PAPSS1: variants seen among roughly 807,000 people sequenced by gnomAD.
PAPSS1 encodes 3'-phosphoadenosine 5'-phosphosulfate synthase 1.
Under a neutral mutation model 72.0 loss-of-function variants are expected in PAPSS1, and 50 were observed. The ratio of observed to expected loss-of-function variants is 0.69; its 90% CI spans 0.55 to 0.88. The LOEUF (loss-of-function observed/expected upper bound fraction) is 0.88. PAPSS1 is among the 40% of genes least tolerant of loss of function. The pLI is 0.00. For synonymous variants in PAPSS1, 261 were observed against 263.6 expected (o/e 0.99, Z 0.09); for missense variants, 657 against 782.2 (o/e 0.84, Z 1.91).
At chr4:107,672,436 G>A (rs945193337) in intron 5 of PAPSS1, among the ~76,000 whole-genome samples, 7 of 152,200 alleles carry the variant, frequency 4.6e-5, no homozygotes, top group Non-Finnish European at 7.3e-5. Context: ...TGCCAGGCTC[G>A]GAGGGTCCTA....
rs143265765 is a variant in PAPSS1 at position 107,705,717 on chromosome 4, C to T, written c.61-4432G>A. Among the ~76,000 whole-genome samples, 303 of 152,288 alleles carry T rather than the reference C, an allele frequency of 2.0e-3. No homozygotes were observed. The Middle Eastern group carries it at 0.024, about 12-fold the overall frequency. On this transcript the variant is annotated intron_variant, in intron 1 of 11. Transcript: ENST00000265174. ...ACCGGAGATATAAATTATTGTCACACGACAATTACAGTATTTATTCTGAAC... is the reference window on the plus strand; with the variant it reads ...ACCGGAGATATAAATTATTGTCACATGACAATTACAGTATTTATTCTGAAC...
At chr4:107,625,093 C>T (rs1211604543) in intron 11 of PAPSS1, among the ~76,000 whole-genome samples, 2 of 152,060 alleles carry the variant, frequency 1.3e-5, no homozygotes, top group Non-Finnish European at 1.5e-5. Context: ...AAAGGTAAAG[C>T]TGGTTTTGGC....
intron 4 of PAPSS1, 81 bp from the exon 5 acceptor site, chr4:107,682,214 A>G (rs1578419189): frequency 5.7e-6 from 4 of 700,328 alleles, no homozygotes; most frequent in African/African-American, 3.6e-5. Flanking sequence ...TCTCTGCTAC[A>G]TTGAAGTTAG....
At chr4:107,642,967 C>T (rs1466095203) in intron 10 of PAPSS1, among the ~76,000 whole-genome samples, 1 of 152,184 alleles carries the variant, frequency 6.6e-6, no homozygotes. Context: ...CACAAAAAGA[C>T]ATGCACTAAA....
At chr4:107,661,266 G>T (rs770000709) in intron 5 of PAPSS1, among the ~76,000 whole-genome samples, 15 of 152,124 alleles carry the variant, frequency 9.9e-5, no homozygotes, top group Non-Finnish European at 2.1e-4. Flanking sequence ...ATGCAAAATG[G>T]TACAGCTACT....
chr4:107,701,579 G>A (rs1327046766), intron 1 of PAPSS1, among the ~76,000 whole-genome samples: 1 of 152,118 alleles, frequency 6.6e-6, no homozygotes, highest in African/African-American at 2.4e-5. Flanking sequence ...CAAAACTAGT[G>A]AGTGGCAGAC....
chr4:107,631,875 T>C lies in PAPSS1; in HGVS notation c.1507-15A>G. On this transcript the variant is annotated splice_polypyrimidine_tract_variant and intron_variant, in intron 10 of 11. Transcript: ENST00000265174. Reference sequence around the variant, plus strand: ...TGCCACTGGACCTAGAATAAAAGTTTCATTTTAGGTAACTTTGCTTTTATG... The same window carrying C: ...TGCCACTGGACCTAGAATAAAAGTTCCATTTTAGGTAACTTTGCTTTTATG... The C allele has an allele frequency of 1.9e-6, 3 of 1,569,136 alleles. No individual in the cohort carries two copies. Among genetic ancestry groups the C allele is most frequent in the Non-Finnish European group, 2.6e-6 (3 of 1,145,452 alleles).
At chr4:107,691,231 A>G (rs1442258007) in intron 3 of PAPSS1, among the ~76,000 whole-genome samples, 1 of 152,192 alleles carries the variant, frequency 6.6e-6, no homozygotes, top group East Asian at 1.9e-4. Context: ...CAGTACTAGA[A>G]TTGTGCTAAT....
intron 1 of PAPSS1, 62 bp downstream of exon 1, chr4:107,720,058 C>T (rs1454911242): frequency 4.5e-5 from 70 of 1,563,214 alleles, no homozygotes; most frequent in Non-Finnish European, 6.0e-5. Context: ...GCGGCGGCTC[C>T]GGAACGAGCT....
chr4:107,650,472 A>G (rs933729360), intron 9 of PAPSS1, among the ~76,000 whole-genome samples: 2 of 152,238 alleles, frequency 1.3e-5, no homozygotes, highest in African/African-American at 4.8e-5. Context: ...AGTCCTTGAT[A>G]AGACCCTTTC....
At position 107,686,959 on chromosome 4, in the gene PAPSS1, T is replaced by G. The variant is rs955654204; in HGVS notation, c.550+80A>C. 2.9e-5 allele frequency: 38 copies of G among 1,295,162 alleles called. No individual in the cohort carries two copies. In the African/African-American group the frequency reaches 5.3e-4, roughly 18 times the overall value. 80.2% of individuals were successfully genotyped at this position (1,295,162 alleles called of 1,614,324 possible). On this transcript the variant is annotated intron_variant, in intron 4 of 11. Transcript: ENST00000265174. ...CTCCAAGTCACTCTAACACTTCCAATCTCTTAGAAAATATCAATCCTAGAT... is the reference window on the plus strand; with the variant it reads ...CTCCAAGTCACTCTAACACTTCCAAGCTCTTAGAAAATATCAATCCTAGAT...
intron 11 of PAPSS1, among the ~76,000 whole-genome samples, chr4:107,620,553 G>A (rs977609970): frequency 5.3e-5 from 8 of 152,136 alleles, no homozygotes; most frequent in Non-Finnish European, 1.2e-4. Flanking sequence ...CTAGAGTGTG[G>A]CACCTATTAA....
Position 107,614,250 on chromosome 4 carries a change from T to C in PAPSS1, c.1874A>G (p.Ter625TrpextTer13), listed in dbSNP as rs138163101. ...AGGTGGAGTGACTGGGTTAACAGCC[T>C]AAGCTTTCTCCAAGGATTTGTAGTA... The part of the protein sequence containing the change: ...TEYYKSLEKA[*>W] Residue 625 changes from the stop codon to tryptophan (W), a stop_lost, in exon 12 of 12, where the codon TAG becomes TGG. Transcript: ENST00000265174. The C allele has an allele frequency of 4.3e-6, 7 of 1,613,238 alleles. No individual in the cohort carries two copies. The Admixed American group carries it at 5.0e-5, about 12-fold the overall frequency.
At chr4:107,662,110 A>G (rs2110324198) in intron 5 of PAPSS1, among the ~76,000 whole-genome samples, 1 of 152,374 alleles carries the variant, frequency 6.6e-6, no homozygotes, top group South Asian at 2.1e-4. Context: ...AGAAAACGTA[A>G]TATTAAAAAT....
intron 4 of PAPSS1, among the ~76,000 whole-genome samples, chr4:107,686,793 C>T (rs866717283): frequency 1.1e-4 from 16 of 152,158 alleles, no homozygotes; most frequent in Middle Eastern, 6.3e-3. Flanking sequence ...AGTAGGTTTT[C>T]GCCAACTCCC....
At chr4:107,625,597 C>T (rs1480782648) in intron 11 of PAPSS1, among the ~76,000 whole-genome samples, 1 of 152,210 alleles carries the variant, frequency 6.6e-6, no homozygotes, top group Non-Finnish European at 1.5e-5. Context: ...CTTTCAGAGC[C>T]TTCAGATAAG....
At chr4:107,698,574 C>A (rs929554520) in intron 2 of PAPSS1, among the ~76,000 whole-genome samples, 1 of 152,094 alleles carries the variant, frequency 6.6e-6, no homozygotes, top group African/African-American at 2.4e-5. Flanking sequence ...GGGAGACAGG[C>A]AAATGAAGGG....
intron 5 of PAPSS1, among the ~76,000 whole-genome samples, chr4:107,678,099 A>G (rs1176431307): frequency 6.6e-6 from 1 of 152,120 alleles, no homozygotes; most frequent in Non-Finnish European, 1.5e-5. Context: ...TGACGAGTTA[A>G]TGACTGCAGC....
intron 5 of PAPSS1, among the ~76,000 whole-genome samples, chr4:107,661,128 A>C (rs1727169794): frequency 6.6e-6 from 1 of 152,222 alleles, no homozygotes; most frequent in Non-Finnish European, 1.5e-5. Context: ...ATATGTCATT[A>C]GGAAATTGCA....
Sources: allele counts gnomAD v4.1 joint callset (sites outside exome capture counted in the v4.1 genomes callset), GRCh38; gene constraint gnomAD v4.1.1; transcripts MANE v1.5; gene names NCBI Gene and HGNC (gene_info 2026-07-23, HGNC 2026-07-21).